FAM53A: variants seen among roughly 807,000 people sequenced by gnomAD.
The protein encoded by FAM53A is protein FAM53A.
FAM53A carries 28 observed loss-of-function variants against 26.6 expected under a neutral mutation model. The observed-to-expected ratio is 1.05, with a 90% confidence interval of 0.78 to 1.45. The LOEUF (loss-of-function observed/expected upper bound fraction) is 1.45, where lower values mean the gene tolerates loss of function less well. Among genes scored for constraint, FAM53A ranks in the 40% most tolerant of loss-of-function variants. The probability of loss-of-function intolerance (pLI) is 0.00; values close to 1 mark genes in which losing one functional copy is unlikely to be tolerated. For synonymous variants in FAM53A, 290 were observed against 253.1 expected (o/e 1.15, Z -1.38); for missense variants, 650 against 575.8 (o/e 1.13, Z -1.32).
At position 1,644,149 on chromosome 4, in the gene FAM53A, T is replaced by A. The variant is rs1050088576; in HGVS notation, c.883-2542A>T. On this transcript the variant is annotated intron_variant, in intron 4 of 4. Coordinates refer to ENST00000308132, the MANE Select transcript of FAM53A (RefSeq NM_001174070.3). ...CCTCCAATCCACAGCACCACCAGGC[T>A]GCACTACACACGCACCGGGGTGGCG... The A allele has an allele frequency of 1.6e-5, 24 of 1,526,844 alleles. No homozygotes were observed. The Admixed American group carries it at 4.7e-4, about 30-fold the overall frequency. The allele number at this position is 1,526,844 out of a possible 1,614,324, so 94.6% of individuals were successfully genotyped here.
the FAM53A span, among the ~76,000 whole-genome samples, chr4:1,605,408 C>T: frequency 6.6e-6 from 1 of 152,256 alleles, no homozygotes; most frequent in Admixed American, 6.5e-5. This position sits in a 1 kb window ranked among gnomAD's most constrained non-coding sequence, Gnocchi z 5.7. Flanking sequence ...AGCCTGGAGT[C>T]GCCCATTCCG....
intron 1 of FAM53A, among the ~76,000 whole-genome samples, chr4:1,670,925 G>C (rs112274632): frequency 1.4e-3 from 106 of 74,968 alleles, no homozygotes; most frequent in Middle Eastern, 0.012. Context: ...AGCCACAGCC[G>C]GGACTCACCT....
chr4:1,651,999 C>T (rs942185248), intron 4 of FAM53A, among the ~76,000 whole-genome samples: 1 of 147,878 alleles, frequency 6.8e-6, no homozygotes. Flanking sequence ...ACCTCACACA[C>T]ACACCACACA....
chr4:1,605,264 G>A, the FAM53A span, among the ~76,000 whole-genome samples: 250 of 152,282 alleles, frequency 1.6e-3, no homozygotes, highest in African/African-American at 5.7e-3. The surrounding 1 kb of genome is among the most constrained non-coding windows in gnomAD (Gnocchi z 5.7). Context: ...CGCGGCCTCA[G>A]CTGGGACTGG....
the FAM53A span, among the ~76,000 whole-genome samples, chr4:1,604,943 CCT>C: frequency 2.0e-5 from 3 of 152,150 alleles, no homozygotes; most frequent in African/African-American, 7.2e-5. Flanking sequence ...CCTCCTGCCC[CCT>C]CTCAACACGC....
chr4:1,636,809 C>G (rs967765609), downstream of FAM53A, among the ~76,000 whole-genome samples: 2 of 152,194 alleles, frequency 1.3e-5, no homozygotes, highest in African/African-American at 4.8e-5. Context: ...GCATGGGGCC[C>G]AGGGTCCTCA....
At chr4:1,619,673 C>T (rs1157250126) in intron 1 of FAM53A, among the ~76,000 whole-genome samples, 2 of 152,168 alleles carry the variant, frequency 1.3e-5, no homozygotes, top group Non-Finnish European at 2.9e-5. Flanking sequence ...CACCGGGCAC[C>T]GGCCTTGCGC....
intron 1 of FAM53A, among the ~76,000 whole-genome samples, chr4:1,631,390 C>T (rs1481085280): frequency 6.6e-6 from 1 of 152,242 alleles, no homozygotes; most frequent in East Asian, 1.9e-4. Flanking sequence ...CAGCTTGCAG[C>T]CCAGGCCGTT....
At chr4:1,647,862 A>G (rs183236358) in intron 4 of FAM53A, among the ~76,000 whole-genome samples, 1 of 152,344 alleles carries the variant, frequency 6.6e-6, no homozygotes, top group East Asian at 1.9e-4. Context: ...GTTGTAGAGG[A>G]AAATCAGAGC....
chr4:1,641,689 G>A (rs967800859), intron 4 of FAM53A, 82 bp from the exon 5 acceptor site: 65 of 1,417,074 alleles, frequency 4.6e-5, no homozygotes, highest in African/African-American at 5.6e-5. Flanking sequence ...TCGAGGGCTC[G>A]GTGTGCTGGG....
At chr4:1,616,308 G>C (rs745851857), downstream of FAM53A, among the ~76,000 whole-genome samples, 5 of 152,212 alleles carry the variant, frequency 3.3e-5, no homozygotes, top group Non-Finnish European at 5.9e-5. Flanking sequence ...AGCCAGGCAC[G>C]CAGGTCCCCA....
chr4:1,635,632 C>T (rs2108784381), downstream of FAM53A, among the ~76,000 whole-genome samples: 1 of 152,212 alleles, frequency 6.6e-6, no homozygotes, highest in East Asian at 1.9e-4. Context: ...TTCCCTTCTA[C>T]ACACCACTTG....
chr4:1,646,049 T>C (rs1712211321), intron 4 of FAM53A, among the ~76,000 whole-genome samples: 1 of 150,936 alleles, frequency 6.6e-6, no homozygotes, highest in African/African-American at 2.4e-5. Context: ...GGGCAGGCTC[T>C]CACCATACAC....
chr4:1,592,551 G>A, the FAM53A span, among the ~76,000 whole-genome samples: 4 of 152,126 alleles, frequency 2.6e-5, no homozygotes, highest in Admixed American at 6.5e-5. Context: ...GCTCCCGGGC[G>A]CCGGCCACAC....
At chr4:1,618,880 C>T (rs1488047350) in intron 1 of FAM53A, among the ~76,000 whole-genome samples, 2 of 152,194 alleles carry the variant, frequency 1.3e-5, no homozygotes, top group Non-Finnish European at 2.9e-5. Flanking sequence ...GAGGCCTCCA[C>T]GGCCCCCCGA....
chr4:1,657,334 C>T, intron 3 of FAM53A, 74 bp downstream of exon 3: 1 of 1,394,110 alleles, frequency 7.2e-7, no homozygotes, highest in South Asian at 1.2e-5. Flanking sequence ...TGTTCTGCGT[C>T]CAGGACCCTC....
At chr4:1,598,803 G>GC in the FAM53A span, among the ~76,000 whole-genome samples, 1 of 152,250 alleles carries the variant, frequency 6.6e-6, no homozygotes, top group Admixed American at 6.5e-5. Context: ...ATGGAGCCCG[G>GC]CGGGCGGAGC....
chr4:1,650,293 GCGTGGTGTT>G (rs1234245160), intron 4 of FAM53A, among the ~76,000 whole-genome samples: 13 of 147,826 alleles, frequency 8.8e-5, no homozygotes, highest in Non-Finnish European at 1.5e-5. Flanking sequence ...GGTGGCACAG[GCGTGGTGTT>G]TGTGAGGTGG....
intron 1 of FAM53A, among the ~76,000 whole-genome samples, chr4:1,683,134 C>A (rs1463945948): frequency 6.6e-6 from 1 of 152,220 alleles, no homozygotes; most frequent in African/African-American, 2.4e-5. Context: ...TCTGAAAGAA[C>A]TACCACCTAG....
Sources: gnomAD v4.1 joint callset for allele counts (sites outside exome capture counted in the v4.1 genomes callset) on GRCh38, gnomAD v4.1.1 for gene constraint, Gnocchi (gnomAD v3.1) non-coding constraint, MANE v1.5 for transcripts, NCBI Gene and HGNC (gene_info 2026-07-23, HGNC 2026-07-21) for gene names.